The following SUPT20H variants were observed in gnomAD, a reference collection of about 807,000 sequenced individuals.
SUPT20H encodes transcription factor SPT20 homolog.
SUPT20H carries 82 observed loss-of-function variants against 122.8 expected under a neutral mutation model. The observed-to-expected ratio is 0.67, with a 90% CI of 0.56 to 0.80. The LOEUF is 0.80. Ranked by LOEUF, SUPT20H falls within the 30% of genes least tolerant of loss-of-function variation. The pLI is 0.00. For synonymous variants in SUPT20H, 291 were observed against 313.0 expected (o/e 0.93, Z 0.74); for missense variants, 831 against 921.6 (o/e 0.90, Z 1.27).
intron 1 of SUPT20H, among the ~76,000 whole-genome samples, chr13:37,053,114 T>G (rs1273290488): frequency 1.3e-5 from 2 of 152,202 alleles, no homozygotes; most frequent in Non-Finnish European, 2.9e-5. Context: ...GGTGTGGCAA[T>G]TCCTCAAGGA....
chr13:37,050,528 ATTTG>A (rs953701768), intron 2 of SUPT20H, among the ~76,000 whole-genome samples: 1 of 152,058 alleles, frequency 6.6e-6, no homozygotes, highest in Admixed American at 6.6e-5. Context: ...TGCCCATAAA[ATTTG>A]TTTGTATCAA....
chr13:37,048,120 C>T (rs1363779524), intron 3 of SUPT20H, among the ~76,000 whole-genome samples, 184 bp from the exon 4 acceptor site: 3 of 152,158 alleles, frequency 2.0e-5, no homozygotes, highest in African/African-American at 7.2e-5. Context: ...ATTTGAACTG[C>T]ACCACGATTT....
rs1410765220 is a variant in SUPT20H, at chr13:37,009,625, T to G, written c.*47A>C. Reference sequence around the variant, plus strand: ...AAAGTAGAAACTCAATTCTTTTGATTCAGTGCTCTTGTGTTTTTAAAAAAG... The same window carrying G: ...AAAGTAGAAACTCAATTCTTTTGATGCAGTGCTCTTGTGTTTTTAAAAAAG... On this transcript the variant is annotated 3_prime_UTR_variant, in exon 26 of 26. Transcript: ENST00000350612. 6.2e-7 allele frequency: 1 copy of G among 1,609,634 alleles called. No individual in the cohort carries two copies. Among genetic ancestry groups the G allele is most frequent in the Admixed American group, 1.7e-5 (1 of 59,848 alleles).
chr13:37,024,947 CT>C (rs796218312), intron 17 of SUPT20H: 2,366 of 171,756 alleles, frequency 0.014, no homozygotes, highest in South Asian at 0.041. Flanking sequence ...AAAAATGATT[CT>C]TTTTTTTTTT....
rs2059227550 is a variant in SUPT20H at position 37,009,596 on chromosome 13, A to C, written c.*76T>G. On this transcript the variant is annotated 3_prime_UTR_variant, in exon 26 of 26. Coordinates refer to ENST00000350612, the MANE Select transcript of SUPT20H (RefSeq NM_001014286.3). ...GTAAAATACTGACACATTAAAAAAA[A>C]CAAAAAGTAGAAACTCAATTCTTTT... The C allele has an allele frequency of 1.9e-6, 3 of 1,575,486 alleles. No individual in the cohort carries two copies. The highest frequency in any genetic ancestry group is 1.3e-5 in the African/African-American group (1 of 74,214).
Position 37,033,429 on chromosome 13 carries a change from C to T in SUPT20H, c.707+20G>A. On this transcript the variant is annotated intron_variant, in intron 10 of 25. Transcript: ENST00000350612. ...TAGCTACTTGTGTCTTTTGGTTCAC[C>T]CTTCCACAAAGGCAATTACCGTTTC... 1.2e-6 allele frequency: 2 copies of T among 1,605,386 alleles called. No homozygotes were observed. Among genetic ancestry groups the T allele is most frequent in the Non-Finnish European group, 1.7e-6 (2 of 1,175,686 alleles).
At position 37,031,850 on chromosome 13, in the gene SUPT20H, A is replaced by T. The variant is rs556559085; in HGVS notation, c.753T>A (p.Asp251Glu). The T allele has an allele frequency of 6.2e-7, 1 of 1,604,956 alleles. No individual in the cohort carries two copies. Among genetic ancestry groups the T allele is most frequent in the East Asian group, 2.2e-5 (1 of 44,716 alleles). Residue 251 changes from aspartate (D) to glutamate (E), a missense_variant, in exon 11 of 26, where the codon GAT becomes GAA. Physicochemically the swap from Asp to Glu is conservative, Grantham distance 45. Transcript: ENST00000350612. ...GAGGAGGAGGTGGACAATGAGATAGATCTTGCTGCCGATTCAGAGAGGATC... is the reference window on the plus strand; with the variant it reads ...GAGGAGGAGGTGGACAATGAGATAGTTCTTGCTGCCGATTCAGAGAGGATC... ...YSRSSLNRQQ[D>E]LSHCPPPPQL...
intron 9 of SUPT20H, chr13:37,038,572 A>G (rs1449101201): frequency 6.6e-6 from 1 of 152,214 alleles, no homozygotes; most frequent in Non-Finnish European, 1.5e-5. Context: ...AGCTTAGTTT[A>G]TAATCACATG....
chr13:37,042,036 G>A (rs2138689562), intron 7 of SUPT20H, among the ~76,000 whole-genome samples: 1 of 152,318 alleles, frequency 6.6e-6, no homozygotes, highest in East Asian at 1.9e-4. Context: ...AGCTTGGAGT[G>A]TTTTATTGTG....
chr13:37,053,450 A>G (rs2068190806), intron 1 of SUPT20H, among the ~76,000 whole-genome samples: 1 of 151,590 alleles, frequency 6.6e-6, no homozygotes, highest in Non-Finnish European at 1.5e-5. Context: ...ACATGCTTTC[A>G]CTCATAAGTG....
intron 7 of SUPT20H, among the ~76,000 whole-genome samples, chr13:37,041,931 C>T (rs1015896718): frequency 6.6e-6 from 1 of 152,148 alleles, no homozygotes; most frequent in African/African-American, 2.4e-5. Context: ...TAGGTTTTAC[C>T]TAAGATCTGA....
intron 1 of SUPT20H, among the ~76,000 whole-genome samples, chr13:37,053,344 T>TA (rs113333482): frequency 0.052 from 7,969 of 152,086 alleles, 695 homozygotes; most frequent in African/African-American, 0.18. Flanking sequence ...TATGCAGCCA[T>TA]AAAAAAGAAT....
chr13:37,059,462 G>A (rs939301087), intron 1 of SUPT20H, 97 bp downstream of exon 1: 1 of 152,404 alleles, frequency 6.6e-6, no homozygotes, highest in Non-Finnish European at 1.5e-5. Context: ...AGCGGGCTCT[G>A]GGATGCGGCC....
Position 37,010,797 on chromosome 13 carries a change from A to G in SUPT20H, c.2099-142T>C, listed in dbSNP as rs915326135. 6.7e-6 allele frequency: 4 copies of G among 595,992 alleles called. No homozygotes were observed. In the African/African-American group the frequency reaches 7.4e-5, roughly 11 times the overall value. 36.9% of individuals were successfully genotyped at this position (595,992 alleles called of 1,614,324 possible). ...AGTATCAAATCATAGACATTTCAGA[A>G]TAAATTTAGTATATGGTCTCCTGTT... On this transcript the variant is annotated intron_variant, in intron 24 of 25. Transcript: ENST00000350612.
At position 37,051,534 on chromosome 13, in the gene SUPT20H, C is replaced by T. The variant is rs756592262; in HGVS notation, c.-44G>A. Reference sequence around the variant, plus strand: ...TCCAAAAGAAGAGATAACTTATGTACGCTGATGAAGTGGGGTGAACACCAT... The same window carrying T: ...TCCAAAAGAAGAGATAACTTATGTATGCTGATGAAGTGGGGTGAACACCAT... On this transcript the variant is annotated 5_prime_UTR_variant, in exon 2 of 26. Transcript: ENST00000350612. The T allele has an allele frequency of 2.0e-5, 32 of 1,603,694 alleles. No individual in the cohort carries two copies. Among genetic ancestry groups the T allele is most frequent in the Middle Eastern group, 1.7e-4 (1 of 6,028 alleles).
Position 37,051,591 on chromosome 13 carries a change from G to A in SUPT20H, c.-93-8C>T. The stretch of plus-strand genomic sequence containing the variant: ...AACATCAATCTTACAGTACTGAAAA[G>A]CAAAAACAATAAAACCCCAATATTA... On this transcript the variant is annotated splice_region_variant and splice_polypyrimidine_tract_variant and intron_variant, in intron 1 of 25. Transcript: ENST00000350612. The A allele has an allele frequency of 3.9e-6, 4 of 1,013,458 alleles. No homozygotes were observed. The highest frequency in any genetic ancestry group is 4.4e-6 in the Non-Finnish European group (3 of 687,870). 62.8% of individuals were successfully genotyped at this position (1,013,458 alleles called of 1,614,324 possible).
intron 1 of SUPT20H, among the ~76,000 whole-genome samples, chr13:37,054,385 T>C (rs1303852739): frequency 4.6e-5 from 7 of 151,944 alleles, no homozygotes; most frequent in Admixed American, 4.6e-4. Context: ...TAATGGCAAA[T>C]CGAATCCAGC....
chr13:37,014,691 C>T (rs2060139550), intron 23 of SUPT20H, among the ~76,000 whole-genome samples: 1 of 152,092 alleles, frequency 6.6e-6, no homozygotes, highest in African/African-American at 2.4e-5. Flanking sequence ...TGGAAAGTGG[C>T]TTAAGCAGTA....
chr13:37,033,623 T>G, intron 9 of SUPT20H, 35 bp from the exon 10 acceptor site: 2 of 1,597,326 alleles, frequency 1.3e-6, no homozygotes, highest in Non-Finnish European at 1.7e-6. Context: ...AATACCAGAT[T>G]TAAGATTTTC....
Sources: gnomAD v4.1 joint callset for allele counts (sites outside exome capture counted in the v4.1 genomes callset) on GRCh38, gnomAD v4.1.1 for gene constraint, MANE v1.5 for transcripts, NCBI Gene and HGNC (gene_info 2026-07-23, HGNC 2026-07-21) for gene names.